HEXB: variants seen among roughly 807,000 people sequenced by gnomAD.
HEXB encodes the protein hexosaminidase subunit beta.
Under a neutral mutation model 71.2 loss-of-function variants are expected in HEXB, and 51 were observed. The ratio of observed to expected loss-of-function variants is 0.72; its 90% confidence interval spans 0.57 to 0.90. HEXB has a LOEUF of 0.90. HEXB is among the 40% of genes least tolerant of loss of function. HEXB has a pLI of 0.00. For synonymous variants in HEXB, 266 were observed against 249.3 expected (o/e 1.07, Z -0.63); for missense variants, 617 against 677.0 (o/e 0.91, Z 0.98).
intron 1 of HEXB, among the ~76,000 whole-genome samples, chr5:74,679,795 T>A (rs1748704142): frequency 3.8e-5 from 1 of 26,048 alleles, no homozygotes; most frequent in South Asian, 1.4e-3. Context: ...CGAGACTCCG[T>A]CTCAAAAAAA....
intron 1 of HEXB, among the ~76,000 whole-genome samples, chr5:74,673,414 TG>T (rs989367213): frequency 1.4e-4 from 22 of 152,228 alleles, no homozygotes; most frequent in African/African-American, 5.3e-4. Context: ...TGCCACAGAA[TG>T]TTCCCACTTC....
chr5:74,676,348 C>A (rs1194693362), intron 1 of HEXB, among the ~76,000 whole-genome samples: 1 of 152,140 alleles, frequency 6.6e-6, no homozygotes, highest in African/African-American at 2.4e-5. Context: ...ACTATGTTGC[C>A]CAGGCTGGTC....
At chr5:74,670,795 G>T (rs927226786) in intron 1 of HEXB, among the ~76,000 whole-genome samples, 1 of 152,088 alleles carries the variant, frequency 6.6e-6, no homozygotes, top group Non-Finnish European at 1.5e-5. Flanking sequence ...TTTGCAACAC[G>T]CCTGGTCCAG....
rs774067539 is a variant in HEXB, at chr5:74,685,311, G to A, written c.51G>A (p.Leu17=). 1.3e-6 allele frequency: 2 copies of A among 1,567,244 alleles called. No homozygotes were observed. Among genetic ancestry groups the A allele is most frequent in the South Asian group, 2.3e-5 (2 of 86,500 alleles). Residue 17 remains leucine, a synonymous_variant, in exon 1 of 14, where the codon CTG becomes CTA. Coordinates refer to ENST00000261416, the MANE Select transcript of HEXB (RefSeq NM_000521.4). ...GLPRPPMLLA[L]LLATLLAAML... ...CCCGGCCGCCCATGCTGCTGGCGCT[G>A]CTGTTGGCGACACTGCTGGCGGCGA...
At chr5:74,699,508 C>G (rs1749210109) in intron 5 of HEXB, among the ~76,000 whole-genome samples, 1 of 152,086 alleles carries the variant, frequency 6.6e-6, no homozygotes, top group Admixed American at 6.5e-5. Context: ...CTCCTGACCT[C>G]AAGTGATTTG....
At chr5:74,642,270 T>A (rs945986835) in intron 1 of HEXB, among the ~76,000 whole-genome samples, 1 of 152,084 alleles carries the variant, frequency 6.6e-6, no homozygotes, top group Non-Finnish European at 1.5e-5. Context: ...ATATATATAT[T>A]TTTTAATGCA....
chr5:74,720,237 T>G, intron 11 of HEXB, 191 bp from the exon 12 acceptor site: 2 of 601,488 alleles, frequency 3.3e-6, no homozygotes, highest in African/African-American at 1.9e-5. Context: ...TGCAACCATT[T>G]TTTTGGGGGG....
rs774657424 is a variant in HEXB, at chr5:74,715,635, G to A, written c.1027G>A (p.Val343Met). ...TACATTTTTCAAAGAAATTAGTGAG[G>A]TGTTTCCAGATCAATTCATTCATTT... is the stretch of plus-strand genomic sequence containing the variant. ...LTTFFKEISE[V>M]FPDQFIHLGG... Residue 343 changes from valine (V) to methionine (M), a missense_variant, in exon 8 of 14, where the codon GTG (valine) becomes ATG (methionine). Coordinates refer to ENST00000261416, the MANE Select transcript of HEXB (RefSeq NM_000521.4). The A allele has an allele frequency of 1.2e-6, 2 of 1,610,694 alleles. No individual in the cohort carries two copies.
chr5:74,664,448 A>AAAAAAAAAAAAAAAAAAAAAAAAAAC (rs756960235), intron 1 of HEXB, among the ~76,000 whole-genome samples: 2 of 126,538 alleles, frequency 1.6e-5, no homozygotes, highest in South Asian at 2.5e-4. Flanking sequence ...AAAAAAAAAA[A>AAAAAAAAAAAAAAAAAAAAAAAAAAC]AAAAACAGAG....
At chr5:74,704,789 C>G (rs1050677727) in intron 5 of HEXB, among the ~76,000 whole-genome samples, 7 of 152,126 alleles carry the variant, frequency 4.6e-5, no homozygotes, top group Non-Finnish European at 1.0e-4. Context: ...CTCATTCTTT[C>G]TTTGCTGAAA....
rs1749678985 is a variant in HEXB at position 74,716,639 on chromosome 5, G to A, written c.1135G>A (p.Asp379Asn). The A allele has an allele frequency of 6.2e-7, 1 of 1,609,524 alleles. No homozygotes were observed. Among genetic ancestry groups the A allele is most frequent in the African/African-American group, 1.3e-5 (1 of 74,936 alleles). ...DFMRQKGFGT[D>N]FKKLESFYIQ... ...CATGAGGCAAAAAGGCTTTGGCACA[G>A]ATTTTAAGAAACTAGAATCTTTCTA... Residue 379 changes from aspartate to asparagine, a missense_variant, in exon 9 of 14, where the codon GAT (aspartate) becomes AAT (asparagine). Transcript: ENST00000261416.
At chr5:74,663,045 T>A (rs1188441194) in intron 1 of HEXB, among the ~76,000 whole-genome samples, 1 of 152,236 alleles carries the variant, frequency 6.6e-6, no homozygotes, top group East Asian at 1.9e-4. Flanking sequence ...AAGTACTTTT[T>A]AAAGTACACA....
chr5:74,704,761 G>T (rs1402056252), intron 5 of HEXB, among the ~76,000 whole-genome samples: 1 of 152,134 alleles, frequency 6.6e-6, no homozygotes, highest in South Asian at 2.1e-4. Flanking sequence ...TATATATGAT[G>T]AAGAATTTCT....
chr5:74,699,583 T>C (rs1285074138), intron 5 of HEXB, among the ~76,000 whole-genome samples: 1 of 152,140 alleles, frequency 6.6e-6, no homozygotes, highest in African/African-American at 2.4e-5. Context: ...CCTTTGCTAC[T>C]CTTTTAACAG....
At chr5:74,670,516 G>A (rs1311532938) in intron 1 of HEXB, among the ~76,000 whole-genome samples, 2 of 152,100 alleles carry the variant, frequency 1.3e-5, no homozygotes, top group African/African-American at 4.8e-5. Flanking sequence ...TACTACTGTG[G>A]CCCTCTGCCC....
chr5:74,654,762 ACT>A (rs1221106869), intron 1 of HEXB, among the ~76,000 whole-genome samples: 1 of 152,118 alleles, frequency 6.6e-6, no homozygotes, highest in Admixed American at 6.6e-5. Context: ...TTAGAGCAAC[ACT>A]CTGGCTGCCA....
intron 7 of HEXB, 36 bp from the exon 8 acceptor site, chr5:74,715,474 A>C (rs199812068): frequency 7.2e-7 from 1 of 1,395,094 alleles, no homozygotes; most frequent in East Asian, 2.3e-5. Flanking sequence ...TAATGAGTAC[A>C]CTTCTTTTAA....
chr5:74,707,205 A>C (rs1197959225), intron 6 of HEXB, among the ~76,000 whole-genome samples: 1 of 152,168 alleles, frequency 6.6e-6, no homozygotes, highest in African/African-American at 2.4e-5. Flanking sequence ...CCTCTAGCAA[A>C]CTCCAACAGA....
chr5:74,663,108 A>G (rs971428051), intron 1 of HEXB, among the ~76,000 whole-genome samples: 3 of 152,156 alleles, frequency 2.0e-5, no homozygotes, highest in African/African-American at 7.2e-5. Flanking sequence ...CGAAGACCCA[A>G]GAACGCATAT....
Sources: allele counts gnomAD v4.1 joint callset (sites outside exome capture counted in the v4.1 genomes callset), GRCh38; gene constraint gnomAD v4.1.1; transcripts MANE v1.5; gene names NCBI Gene and HGNC (gene_info 2026-07-23, HGNC 2026-07-21).